Variants in EFCAB13 observed in about 807,000 individuals in gnomAD.
EFCAB13 encodes EF-hand calcium binding domain 13.
In EFCAB13, 91 loss-of-function variants were observed where a neutral mutation model predicts 110.2. The observed-to-expected ratio is 0.83, with a 90% CI of 0.70 to 0.98. EFCAB13 has a LOEUF of 0.98. Among genes scored for constraint, EFCAB13 ranks in the 50% least tolerant of loss-of-function variants. The probability of loss-of-function intolerance (pLI) is 0.00; values close to 1 mark genes in which losing one functional copy is unlikely to be tolerated. For synonymous variants in EFCAB13, 323 were observed against 369.9 expected, an observed-to-expected ratio of 0.87 and a Z score of 1.45; for missense variants, 968 against 1,119.4, an observed-to-expected ratio of 0.86 and a Z score of 1.93.
At chr17:47,426,027 G>A (rs1904944012) in intron 23 of EFCAB13, among the ~76,000 whole-genome samples, 1 of 152,164 alleles carries the variant, frequency 6.6e-6, no homozygotes, top group Admixed American at 6.5e-5. Context: ...ATTAAGAGAT[G>A]ACCAAGGTAG....
At chr17:47,421,185 G>C (rs1187870806) in intron 23 of EFCAB13, among the ~76,000 whole-genome samples, 2 of 151,966 alleles carry the variant, frequency 1.3e-5, no homozygotes, top group African/African-American at 4.8e-5. Context: ...TGACAATGGC[G>C]GTTTTGTGGA....
At chr17:47,426,421 A>T (rs559230544) in intron 23 of EFCAB13, among the ~76,000 whole-genome samples, 1 of 152,360 alleles carries the variant, frequency 6.6e-6, no homozygotes, top group Non-Finnish European at 1.5e-5. Flanking sequence ...AGAATAGGTT[A>T]ACATGAAAAC....
intron 9 of EFCAB13, among the ~76,000 whole-genome samples, chr17:47,348,291 A>G (rs568082982): frequency 2.0e-5 from 3 of 151,966 alleles, no homozygotes; most frequent in Admixed American, 2.0e-4. Flanking sequence ...AATAAAAAGT[A>G]GGACCTTGTC....
chr17:47,374,284 A>G (rs376097225), intron 11 of EFCAB13, among the ~76,000 whole-genome samples, 188 bp from the exon 12 acceptor site: 9 of 152,330 alleles, frequency 5.9e-5, no homozygotes, highest in African/African-American at 1.9e-4. Flanking sequence ...TTAAAGCAGC[A>G]CATTACATTT....
intron 4 of EFCAB13, among the ~76,000 whole-genome samples, chr17:47,334,630 T>TC (rs1339356696): frequency 6.6e-6 from 1 of 152,164 alleles, no homozygotes; most frequent in Non-Finnish European, 1.5e-5. Context: ...AAGAGCTAGA[T>TC]CCAGGCTGGG....
chr17:47,331,979 C>G (rs2065322153), intron 4 of EFCAB13, among the ~76,000 whole-genome samples: 1 of 152,124 alleles, frequency 6.6e-6, no homozygotes, highest in Non-Finnish European at 1.5e-5. Flanking sequence ...TGAAGGACAT[C>G]TTGATTGCTT....
intron 18 of EFCAB13, among the ~76,000 whole-genome samples, chr17:47,403,016 G>T (rs2065786765): frequency 6.6e-6 from 1 of 152,192 alleles, no homozygotes. Context: ...AGGAAATCAA[G>T]TGCTAAGGCA....
chr17:47,414,239 A>ATG (rs34673520), intron 22 of EFCAB13, among the ~76,000 whole-genome samples: 95,880 of 151,400 alleles, frequency 0.63, 30,793 homozygotes, highest in African/African-American at 0.72. Flanking sequence ...GTGACTGTGT[A>ATG]TGTGTGTGTG....
chr17:47,347,201 C>T (rs1285664023), intron 8 of EFCAB13, among the ~76,000 whole-genome samples: 5 of 152,114 alleles, frequency 3.3e-5, no homozygotes, highest in Non-Finnish European at 7.4e-5. Flanking sequence ...CAGGATTTCG[C>T]GACAGGAGTT....
Position 47,377,665 on chromosome 17 carries a change from A to G in EFCAB13, c.1373-101A>G, listed in dbSNP as rs559140524. 9.3e-5 allele frequency: 94 copies of G among 1,008,336 alleles called. No individual in the cohort carries two copies. The South Asian group carries it at 1.2e-3, about 12-fold the overall frequency. The allele number at this position is 1,008,336 out of a possible 1,614,324, so 62.5% of individuals were successfully genotyped here. A position where few individuals can be genotyped will look rare whatever the true frequency, so the allele number is the denominator to read the frequency against. On this transcript the variant is annotated intron_variant, in intron 12 of 24. Coordinates refer to ENST00000331493, the MANE Select transcript of EFCAB13 (RefSeq NM_152347.5). ...TATAAAATCTATAAGGTAATATAAA[A>G]TAGATAAAACTTGTTCTCTAATTTC...
intron 10 of EFCAB13, among the ~76,000 whole-genome samples, chr17:47,369,166 C>T (rs529701686): frequency 6.6e-6 from 1 of 152,310 alleles, no homozygotes; most frequent in South Asian, 2.1e-4. Context: ...GATAGACCGA[C>T]TGTGAACCTA....
At chr17:47,391,775 A>G (rs979226087) in intron 15 of EFCAB13, among the ~76,000 whole-genome samples, 195 bp downstream of exon 15, 1 of 151,892 alleles carries the variant, frequency 6.6e-6, no homozygotes, top group African/African-American at 2.4e-5. Context: ...CAGTATTAAT[A>G]GTCTTTTTAA....
intron 11 of EFCAB13, 64 bp from the exon 12 acceptor site, chr17:47,374,408 T>C: frequency 1.5e-6 from 2 of 1,314,052 alleles, no homozygotes; most frequent in Non-Finnish European, 2.0e-6. Flanking sequence ...ACTTAGTTGT[T>C]ATTTTTGAAA....
chr17:47,390,420 T>C (rs928787768), intron 14 of EFCAB13, among the ~76,000 whole-genome samples: 5 of 152,176 alleles, frequency 3.3e-5, no homozygotes, highest in Non-Finnish European at 7.4e-5. Flanking sequence ...TTTGAAGTTT[T>C]CTGATTAAAC....
intron 24 of EFCAB13, among the ~76,000 whole-genome samples, chr17:47,439,179 T>TG (rs1905268491): frequency 7.8e-6 from 1 of 127,396 alleles, no homozygotes; most frequent in Non-Finnish European, 1.7e-5. Context: ...TTGTTTTTTT[T>TG]TTTTTTTTTT....
intron 23 of EFCAB13, among the ~76,000 whole-genome samples, chr17:47,426,713 AT>A (rs1284375057): frequency 2.0e-5 from 3 of 152,134 alleles, no homozygotes; most frequent in East Asian, 1.9e-4. Flanking sequence ...AAGTTAAAGA[AT>A]TTTTTTAAAA....
intron 6 of EFCAB13, among the ~76,000 whole-genome samples, 175 bp downstream of exon 6, chr17:47,342,207 A>T (rs1028342125): frequency 6.6e-6 from 1 of 152,108 alleles, no homozygotes; most frequent in African/African-American, 2.4e-5. Flanking sequence ...TTAAAAAAAA[A>T]ATAGAACAAG....
chr17:47,379,182 A>C lies in EFCAB13; in HGVS notation c.1511A>C (p.Glu504Ala), dbSNP rs141138119. The part of the protein sequence containing the change: ...QKIVTDTSRN[E>A]NGMVELDDFV... ...TAATCTAAACTCTTTTTAAAAACAG[A>C]GAATGGAATGGTGGAGTTAGATGAC... Residue 504 changes from glutamate to alanine, a missense_variant and splice_region_variant, in exon 14 of 25, where the codon GAG becomes GCG. Transcript: ENST00000331493. 2.5e-6 allele frequency: 4 copies of C among 1,612,314 alleles called. No homozygotes were observed. Among genetic ancestry groups the C allele is most frequent in the Non-Finnish European group, 3.4e-6 (4 of 1,178,704 alleles).
chr17:47,366,413 T>C (rs1306908271), intron 10 of EFCAB13, among the ~76,000 whole-genome samples: 1 of 152,062 alleles, frequency 6.6e-6, no homozygotes, highest in East Asian at 1.9e-4. Flanking sequence ...GCTTTCAATA[T>C]TGTGGAGCTA....
Sources: allele counts gnomAD v4.1 joint callset (sites outside exome capture counted in the v4.1 genomes callset), GRCh38; gene constraint gnomAD v4.1.1; transcripts MANE v1.5; gene names NCBI Gene and HGNC (gene_info 2026-07-23, HGNC 2026-07-21).